The following DNAH5 variants were observed in gnomAD, a reference collection of about 807,000 sequenced individuals.
The protein encoded by DNAH5 is dynein axonemal heavy chain 5, also known as axonemal beta dynein heavy chain 5.
A neutral mutation model predicts 518.2 loss-of-function variants in DNAH5; 372 were observed. That is an observed-to-expected ratio of 0.72 (90% CI 0.66 to 0.78). The LOEUF is 0.78. Among genes scored for constraint, DNAH5 ranks in the 30% least tolerant of loss-of-function variants. DNAH5 has a pLI of 0.00. For synonymous variants in DNAH5, 2,039 were observed against 2,025.9 expected (o/e 1.01, Z -0.17); for missense variants, 5,523 against 5,687.0 (o/e 0.97, Z 0.93).
intron 21 of DNAH5, among the ~76,000 whole-genome samples, chr5:13,881,853 A>G (rs371282295): frequency 6.6e-6 from 1 of 152,074 alleles, no homozygotes; most frequent in East Asian, 1.9e-4. Context: ...AATGAAATAG[A>G]AACTAGAAAA....
Position 13,690,430 on chromosome 5 carries a change from T to C in DNAH5, c.*1554A>G, listed in dbSNP as rs965542352. On this transcript the variant is annotated 3_prime_UTR_variant, in exon 79 of 79. Transcript: ENST00000265104. The stretch of plus-strand genomic sequence containing the variant: ...ACCACAATTCACACAAATCAACTGA[T>C]ATACTAATCCACACCAAAAGAAAGA... 6.6e-6 allele frequency: 1 copy of C among 152,202 alleles called. No individual in the cohort carries two copies. Among genetic ancestry groups the C allele is most frequent in the African/African-American group, 2.4e-5 (1 of 41,456 alleles). 9.4% of individuals were successfully genotyped at this position (152,202 alleles called of 1,614,324 possible). A position where few individuals can be genotyped will look rare whatever the true frequency, so the allele number is the denominator to read the frequency against.
At chr5:13,809,231 A>G (rs1760196295) in intron 45 of DNAH5, 45 bp from the exon 46 acceptor site, 1 of 1,609,924 alleles carries the variant, frequency 6.2e-7, no homozygotes, top group Non-Finnish European at 8.5e-7. Context: ...TAATAATTCA[A>G]CTCCGAACTG....
At chr5:13,761,396 A>G (rs1327897784) in intron 60 of DNAH5, among the ~76,000 whole-genome samples, 1 of 152,158 alleles carries the variant, frequency 6.6e-6, no homozygotes, top group Non-Finnish European at 1.5e-5. Context: ...GATCAAGACC[A>G]TCCTGGCTAA....
rs757602565 is a variant in DNAH5 at position 13,922,121 on chromosome 5, T to C, written c.646A>G (p.Ser216Gly). ...FVNVLSGAQE[S>G]LKEKVNLRKC... The stretch of plus-strand genomic sequence containing the variant: ...TTCGTCCTCACCTTCTCCTTCAGAC[T>C]CTCCTGTGCACCCGACAGGACGTTC... The change falls in exon 5 of 79, where the codon AGT becomes GGT. Residue 216 changes from serine (S) to glycine (G), a missense_variant. This residue lies in a region of DNAH5 where 5,121 missense variants were observed against 5,223.3 expected (regional missense o/e 0.98). Coordinates refer to ENST00000265104, the MANE Select transcript of DNAH5 (RefSeq NM_001369.3). 11 of 1,614,024 alleles carry C rather than the reference T, an allele frequency of 6.8e-6. No individual in the cohort carries two copies. In the Admixed American group the frequency reaches 1.2e-4, roughly 17 times the overall value.
At chr5:13,717,649 A>T in intron 72 of DNAH5, 129 bp from the exon 73 acceptor site, 1 of 816,398 alleles carries the variant, frequency 1.2e-6, no homozygotes, top group Non-Finnish European at 2.0e-6. Flanking sequence ...TTTTTATGAC[A>T]CTCATGTGAC....
At chr5:13,781,679 C>T (rs943510625) in intron 52 of DNAH5, among the ~76,000 whole-genome samples, 4 of 152,000 alleles carry the variant, frequency 2.6e-5, no homozygotes, top group East Asian at 1.9e-4. Context: ...AAGTGCCTTT[C>T]GCCTCCCACC....
At chr5:13,749,209 T>C in intron 65 of DNAH5, among the ~76,000 whole-genome samples, 1 of 151,856 alleles carries the variant, frequency 6.6e-6, no homozygotes, top group Non-Finnish European at 1.5e-5. Flanking sequence ...ATAATGCTGT[T>C]CACATTATAA....
chr5:13,850,188 A>C (rs910259147), intron 31 of DNAH5, among the ~76,000 whole-genome samples: 7 of 152,226 alleles, frequency 4.6e-5, no homozygotes, highest in African/African-American at 1.7e-4. Context: ...AACAAACAAA[A>C]AAACTTTATG....
At chr5:13,907,120 A>T (rs759756133) in intron 12 of DNAH5, among the ~76,000 whole-genome samples, 7 of 152,204 alleles carry the variant, frequency 4.6e-5, no homozygotes, top group Non-Finnish European at 1.0e-4. Flanking sequence ...CACCGAGAGC[A>T]TCTGTCAAAT....
intron 45 of DNAH5, among the ~76,000 whole-genome samples, chr5:13,809,434 T>G (rs1760236241): frequency 6.6e-6 from 1 of 152,150 alleles, no homozygotes; most frequent in Admixed American, 6.5e-5. Context: ...AAATATATAT[T>G]AGTTTTCAAT....
At chr5:13,893,943 G>T (rs578241131) in intron 16 of DNAH5, among the ~76,000 whole-genome samples, 1 of 150,536 alleles carries the variant, frequency 6.6e-6, no homozygotes, top group Non-Finnish European at 1.5e-5. Flanking sequence ...CCATTACCAC[G>T]TTCCAAACTG....
In DNAH5 at chr5:13,850,820, G is replaced by A. The variant is rs2151884041; in HGVS notation, c.4951-5C>T. The A allele has an allele frequency of 1.2e-6, 2 of 1,613,980 alleles. No individual in the cohort carries two copies. Among genetic ancestry groups the A allele is most frequent in the Non-Finnish European group, 8.5e-7 (1 of 1,179,940 alleles). On this transcript the variant is annotated splice_polypyrimidine_tract_variant and splice_region_variant and intron_variant, in intron 30 of 78. Transcript: ENST00000265104. ...GTTAGAAAACCGCTTGGCTTCCTAT[G>A]AGAACAAGGTAACAAAGCACACTTA...
chr5:13,974,574 A>T (rs1782104242), intron 1 of DNAH5, among the ~76,000 whole-genome samples: 1 of 152,058 alleles, frequency 6.6e-6, no homozygotes. Flanking sequence ...GTGAAAAGAG[A>T]TTTCCTGGCC....
intron 8 of DNAH5, among the ~76,000 whole-genome samples, 180 bp from the exon 9 acceptor site, chr5:13,916,635 G>A (rs1220179315): frequency 6.6e-6 from 1 of 151,778 alleles, no homozygotes; most frequent in African/African-American, 2.4e-5. Flanking sequence ...AGTCACATAT[G>A]GTTAATCAAA....
chr5:13,901,174 A>T, intron 14 of DNAH5, 78 bp downstream of exon 14: 2 of 1,500,282 alleles, frequency 1.3e-6, no homozygotes, highest in South Asian at 2.3e-5. Context: ...AGCTTTCTAA[A>T]GAAATAACAC....
intron 43 of DNAH5, 150 bp from the exon 44 acceptor site, chr5:13,811,973 C>T (rs1760777372): frequency 2.9e-6 from 2 of 694,996 alleles, no homozygotes; most frequent in South Asian, 1.8e-5. Context: ...GTTACAAACT[C>T]TTCCACGTAT....
At chr5:13,990,596 G>A (rs1462985777) in intron 1 of DNAH5, among the ~76,000 whole-genome samples, 1 of 151,626 alleles carries the variant, frequency 6.6e-6, no homozygotes, top group Non-Finnish European at 1.5e-5. Flanking sequence ...GGCCAGGCGT[G>A]GTGGCTCATT....
At chr5:13,845,043 G>A (rs555151691) in intron 31 of DNAH5, 50 bp from the exon 32 acceptor site, 219 of 1,572,730 alleles carry the variant, frequency 1.4e-4, no homozygotes, top group Non-Finnish European at 1.8e-4. Context: ...AAAGCTGGTC[G>A]TTCAAGGAAT....
At position 13,882,780 on chromosome 5, in the gene DNAH5, C is replaced by A; in HGVS notation, c.3210G>T (p.Gln1070His). 6.2e-7 allele frequency: 1 copy of A among 1,614,138 alleles called. No homozygotes were observed. Among genetic ancestry groups the A allele is most frequent in the East Asian group, 2.2e-5 (1 of 44,884 alleles). Residue 1070 changes from glutamine (Q) to histidine (H), a missense_variant, in exon 21 of 79, where the codon CAG (glutamine) becomes CAT (histidine). Transcript: ENST00000265104. Reference protein sequence around the residue: ...KIQERKMAALQSNEDSDSDVE... With the variant: ...KIQERKMAALHSNEDSDSDVE... Reference sequence around the variant, plus strand: ...CATCAGAATCACTGTCTTCATTACTCTGCAAAGCAGCCATTTTTCTTTCTT... The same window carrying A: ...CATCAGAATCACTGTCTTCATTACTATGCAAAGCAGCCATTTTTCTTTCTT...
Sources: allele counts gnomAD v4.1 joint callset (sites outside exome capture counted in the v4.1 genomes callset), GRCh38; gene constraint gnomAD v4.1.1; regional missense constraint gnomAD v4.1.1; transcripts MANE v1.5; gene names NCBI Gene and HGNC (gene_info 2026-07-23, HGNC 2026-07-21).